Variants in GLRA2 observed in about 807,000 individuals in gnomAD.
GLRA2 encodes the protein glycine receptor subunit alpha-2.
In GLRA2, 11 loss-of-function variants were observed where a neutral mutation model predicts 31.6. That is an observed-to-expected ratio of 0.35 (90% CI 0.22 to 0.58). The LOEUF is 0.58. Ranked by LOEUF, GLRA2 falls within the 20% of genes least tolerant of loss-of-function variation. The probability of loss-of-function intolerance (pLI) is 0.84; values close to 1 mark genes in which losing one functional copy is unlikely to be tolerated. For synonymous variants in GLRA2, 132 were observed against 134.0 expected, an observed-to-expected ratio of 0.99 and a Z score of 0.10; for missense variants, 212 against 351.8, an observed-to-expected ratio of 0.60 and a Z score of 3.18.
At chrX:14,570,487 T>A (rs1472636918) in intron 2 of GLRA2, among the ~76,000 whole-genome samples, 1 of 111,419 alleles carries the variant, frequency 9.0e-6, no homozygotes, top group African/African-American at 3.3e-5. Context: ...AGAAAGATGG[T>A]CTGCAGTAAC....
chrX:14,630,476 G>T (rs945094302), intron 7 of GLRA2, among the ~76,000 whole-genome samples: 1 of 111,433 alleles, frequency 9.0e-6, no homozygotes, highest in African/African-American at 3.3e-5. Flanking sequence ...TCTTAGATTT[G>T]CAGATTTATA....
At chrX:14,595,666 C>T (rs1447268998) in intron 4 of GLRA2, among the ~76,000 whole-genome samples, 2 of 111,194 alleles carry the variant, frequency 1.8e-5, no homozygotes, top group East Asian at 5.7e-4. Context: ...ACCAAAAGGG[C>T]CCTCTAAGGA....
chrX:14,522,212 C>T, the GLRA2 span, among the ~76,000 whole-genome samples: 523 of 112,443 alleles, frequency 4.7e-3, 6 homozygotes, highest in African/African-American at 0.016. Flanking sequence ...TTCACAGCAT[C>T]TTCACCAGGA....
upstream of GLRA2, among the ~76,000 whole-genome samples, chrX:14,527,441 C>G (rs891134348): frequency 1.2e-4 from 13 of 110,669 alleles, 1 homozygote; most frequent in East Asian, 3.7e-3. Flanking sequence ...ATGGTGAAAC[C>G]CTGTCTCTAT....
chrX:14,610,767 C>T (rs1314987707), intron 7 of GLRA2, among the ~76,000 whole-genome samples: 1 of 112,192 alleles, frequency 8.9e-6, no homozygotes, highest in Non-Finnish European at 1.9e-5. Context: ...CCTCCAACTG[C>T]TCATTGCTGT....
rs193107510 is a variant in GLRA2 at position 14,664,184 on chromosome X, A to G, written c.931-26526A>G. On this transcript the variant is annotated intron_variant, in intron 7 of 8. Transcript: ENST00000218075. ...ATAGGTCATATAAATTGTGGTATAAATTGCTTTATTACTATTTTGTAGACA... is the reference window on the plus strand; with the variant it reads ...ATAGGTCATATAAATTGTGGTATAAGTTGCTTTATTACTATTTTGTAGACA... Among the ~76,000 whole-genome samples, 152 of 111,628 alleles carry G rather than the reference A, an allele frequency of 1.4e-3. 1 individual carries two copies. Among genetic ancestry groups the G allele is most frequent in the Middle Eastern group, 4.7e-3 (1 of 213 alleles).
intron 7 of GLRA2, among the ~76,000 whole-genome samples, chrX:14,618,855 T>TTTACACGACTGTAGACATTTCA (rs2090482787): frequency 8.9e-6 from 1 of 111,921 alleles, no homozygotes; most frequent in Non-Finnish European, 1.9e-5. Context: ...TACACATTTC[T>TTTACACGACTGTAGACATTTCA]TTACACGACT....
At position 14,730,524 on chromosome X, in the gene GLRA2, T is replaced by G; in HGVS notation, c.*39T>G. ...ACCCTGGGACCTTCTTGCCTCAGTGTTGTGCTTGTAAATACACAGTGAAAT... is the reference window on the plus strand; with the variant it reads ...ACCCTGGGACCTTCTTGCCTCAGTGGTGTGCTTGTAAATACACAGTGAAAT... On this transcript the variant is annotated 3_prime_UTR_variant, in exon 9 of 9. Transcript: ENST00000218075. 1 of 1,064,110 alleles carries G rather than the reference T, an allele frequency of 9.4e-7. No homozygotes were observed. The allele number at this position is 1,064,110 out of a possible 1,213,427, so 87.7% of individuals were successfully genotyped here. A position where few individuals can be genotyped will look rare whatever the true frequency, so the allele number is the denominator to read the frequency against.
intron 2 of GLRA2, among the ~76,000 whole-genome samples, chrX:14,564,451 T>G (rs2089775988): frequency 9.0e-6 from 1 of 110,809 alleles, no homozygotes; most frequent in Non-Finnish European, 1.9e-5. Flanking sequence ...CTACGAGAAA[T>G]GATAAAGGGA....
chrX:14,573,302 C>G (rs1349447410), intron 2 of GLRA2, among the ~76,000 whole-genome samples: 4 of 111,578 alleles, frequency 3.6e-5, no homozygotes, highest in Non-Finnish European at 5.6e-5. Flanking sequence ...GCTGCCATAA[C>G]TTGTGTTTTC....
chrX:14,587,995 T>C (rs2090100378), intron 4 of GLRA2, among the ~76,000 whole-genome samples: 1 of 109,264 alleles, frequency 9.2e-6, no homozygotes, highest in Non-Finnish European at 1.9e-5. Flanking sequence ...GACAACTCCA[T>C]TCCTGGGTTC....
intron 7 of GLRA2, among the ~76,000 whole-genome samples, chrX:14,674,574 C>A (rs1288948717): frequency 9.0e-6 from 1 of 111,294 alleles, no homozygotes; most frequent in East Asian, 2.8e-4. Flanking sequence ...ATGTGTGGGC[C>A]CCTACTTTGA....
intron 7 of GLRA2, among the ~76,000 whole-genome samples, chrX:14,632,532 GTAAT>G (rs1469454387): frequency 9.0e-6 from 1 of 111,685 alleles, no homozygotes; most frequent in Non-Finnish European, 1.9e-5. Context: ...GGTATGTACA[GTAAT>G]AAATATTAAT....
At chrX:14,665,496 T>C (rs1601812787) in intron 7 of GLRA2, among the ~76,000 whole-genome samples, 1 of 111,966 alleles carries the variant, frequency 8.9e-6, no homozygotes. Context: ...CCAATCACCA[T>C]TGGAGAATTG....
At chrX:14,586,908 A>T (rs945914192) in intron 4 of GLRA2, among the ~76,000 whole-genome samples, 7 of 111,869 alleles carry the variant, frequency 6.3e-5, no homozygotes, top group Admixed American at 1.9e-4. Context: ...GATTTTTTTT[A>T]AATTTGAAGT....
intron 8 of GLRA2, among the ~76,000 whole-genome samples, chrX:14,712,302 C>A (rs1163635928): frequency 1.8e-5 from 2 of 111,746 alleles, no homozygotes; most frequent in Non-Finnish European, 3.8e-5. Flanking sequence ...AGTAAAACAC[C>A]CTCTCCCAGT....
chrX:14,546,910 GCATA>G (rs2089489605), intron 2 of GLRA2, among the ~76,000 whole-genome samples: 1 of 111,446 alleles, frequency 9.0e-6, no homozygotes, highest in African/African-American at 3.3e-5. Context: ...AATAAACCAT[GCATA>G]CATAAAGTCT....
chrX:14,540,926 G>C (rs1473597310), intron 2 of GLRA2, among the ~76,000 whole-genome samples: 7 of 108,378 alleles, frequency 6.5e-5, no homozygotes, highest in Admixed American at 5.9e-4. Context: ...GAGAGAGACA[G>C]GAAGAGACAG....
At position 14,663,879 on chromosome X, in the gene GLRA2, A is replaced by G. The variant is rs2091015061; in HGVS notation, c.931-26831A>G. 2.7e-5 allele frequency among the ~76,000 whole-genome samples: 3 copies of G among 111,228 alleles called. No individual in the cohort carries two copies. In the South Asian group the frequency reaches 1.1e-3, roughly 42 times the overall value. Reference sequence around the variant, plus strand: ...TCCTGATTTTCCAATGTATATGTATAAGTTAAAGTAGTCTCTTAAGAGTCT... The same window carrying G: ...TCCTGATTTTCCAATGTATATGTATGAGTTAAAGTAGTCTCTTAAGAGTCT... On this transcript the variant is annotated intron_variant, in intron 7 of 8. Transcript: ENST00000218075.
Sources: gnomAD v4.1 joint callset for allele counts (sites outside exome capture counted in the v4.1 genomes callset) on GRCh38, gnomAD v4.1.1 for gene constraint, MANE v1.5 for transcripts, NCBI Gene and HGNC (gene_info 2026-07-23, HGNC 2026-07-21) for gene names.